Variants in ABHD12B observed in about 807,000 individuals in gnomAD.
ABHD12B encodes the protein protein ABHD12B.
In ABHD12B, 42 loss-of-function variants were observed where a neutral mutation model predicts 50.4. That is an observed-to-expected ratio of 0.83 (90% CI 0.65 to 1.08). The LOEUF (loss-of-function observed/expected upper bound fraction) is 1.08. Among genes scored for constraint, ABHD12B ranks in the 50% least tolerant of loss-of-function variants. The probability of loss-of-function intolerance (pLI) is 0.00; values close to 1 mark genes in which losing one functional copy is unlikely to be tolerated. For missense variants in ABHD12B, 479 were observed against 447.7 expected (o/e 1.07, Z -0.63); for synonymous variants, 167 against 160.3 (o/e 1.04, Z -0.32).
At chr14:50,872,427 C>A in intron 1 of ABHD12B, 149 bp downstream of exon 1, 1 of 498,498 alleles carries the variant, frequency 2.0e-6, no homozygotes, top group Non-Finnish European at 3.1e-6. Flanking sequence ...GGGACCTCGG[C>A]GGCCCCCTGA....
Position 50,878,003 on chromosome 14 carries a change from T to C in ABHD12B, c.156T>C (p.Tyr52=). 1 of 1,535,350 alleles carries C rather than the reference T, an allele frequency of 6.5e-7. No homozygotes were observed. Among genetic ancestry groups the C allele is most frequent in the Non-Finnish European group, 8.7e-7 (1 of 1,146,516 alleles). The change falls in exon 2 of 13, where the codon TAT becomes TAC. Residue 52 remains tyrosine (Y), a synonymous_variant. Coordinates refer to ENST00000337334, the MANE Select transcript of ABHD12B (RefSeq NM_001206673.2). ...TCGGAAGAAAAATTGCTGCTCTGTA[T>C]GACAGCTTTACTAGTAAATCCTTAA... The part of the protein sequence containing the change: ...SMLGRKIAAL[Y]DSFTSKSLKE...
intron 1 of ABHD12B, 105 bp downstream of exon 1, chr14:50,872,383 G>C: frequency 1.2e-6 from 1 of 828,190 alleles, no homozygotes; most frequent in Non-Finnish European, 1.6e-6. Flanking sequence ...CCCTCTGCTG[G>C]CCCGGGCCCA....
At position 50,872,260 on chromosome 14, in the gene ABHD12B, T is replaced by C. The variant is rs2049795684; in HGVS notation, c.86T>C (p.Met29Thr). Residue 29 changes from methionine to threonine, a missense_variant, in exon 1 of 13, where the codon ATG becomes ACG. By Grantham distance (81) the Met-to-Thr change is moderately conservative (BLOSUM62 -1). Coordinates refer to ENST00000337334, the MANE Select transcript of ABHD12B (RefSeq NM_001206673.2). ...ARSCVAAWWD[M>T]VDRNLRYFPH... The stretch of plus-strand genomic sequence containing the variant: ...AGCTGCGTGGCCGCCTGGTGGGACA[T>C]GGTCGACCGCAACCTGCGGTGAGTA... 1 of 1,385,266 alleles carries C rather than the reference T, an allele frequency of 7.2e-7. No individual in the cohort carries two copies. The highest frequency in any genetic ancestry group is 2.9e-5 in the Admixed American group (1 of 34,486). 85.8% of individuals were successfully genotyped at this position (1,385,266 alleles called of 1,614,324 possible).
At chr14:50,904,045 T>C in intron 11 of ABHD12B, 29 bp from the exon 12 acceptor site, 1 of 1,569,978 alleles carries the variant, frequency 6.4e-7, no homozygotes, top group Non-Finnish European at 8.7e-7. Context: ...TGAATGGCCA[T>C]CCTTTGAGTC....
intron 5 of ABHD12B, among the ~76,000 whole-genome samples, chr14:50,882,031 G>T (rs971618556): frequency 3.9e-5 from 6 of 151,928 alleles, no homozygotes; most frequent in Non-Finnish European, 8.8e-5. Context: ...CACCTCCCAG[G>T]CTCAAGCGAT....
At chr14:50,900,703 G>A (rs2050252172) in intron 9 of ABHD12B, among the ~76,000 whole-genome samples, 1 of 152,172 alleles carries the variant, frequency 6.6e-6, no homozygotes, top group Non-Finnish European at 1.5e-5. Context: ...GTAAAGGCAA[G>A]CGCCTTGAGG....
chr14:50,875,216 C>A lies in ABHD12B; in HGVS notation c.105-2736C>A, dbSNP rs188127654. The stretch of plus-strand genomic sequence containing the variant: ...AGAGGAGAGGTCACCATGGAATGAT[C>A]TCTCCAGGAGACTTTGACAAAAAAG... On this transcript the variant is annotated intron_variant, in intron 1 of 12. Coordinates refer to ENST00000337334, the MANE Select transcript of ABHD12B (RefSeq NM_001206673.2). Among the ~76,000 whole-genome samples, 4 of 152,154 alleles carry A rather than the reference C, an allele frequency of 2.6e-5. No homozygotes were observed. In the South Asian group the frequency reaches 8.3e-4, roughly 32 times the overall value.
rs546569566 is a variant in ABHD12B, at chr14:50,899,838, C to T, written c.781-1991C>T. ...TTGGGTGGCTGAGGCAGGAGAATTG[C>T]TTGAACCCAGGAGGCAGACGTTGCA... On this transcript the variant is annotated intron_variant, in intron 9 of 12. Transcript: ENST00000337334. 3.3e-5 allele frequency among the ~76,000 whole-genome samples: 5 copies of T among 151,570 alleles called. No homozygotes were observed. In the South Asian group the frequency reaches 1.0e-3, roughly 31 times the overall value.
At chr14:50,885,584 T>G in intron 5 of ABHD12B, 30 bp from the exon 6 acceptor site, 1 of 1,613,840 alleles carries the variant, frequency 6.2e-7, no homozygotes, top group Non-Finnish European at 8.5e-7. Context: ...ATCTTCTAAT[T>G]AAAGTGATAA....
rs532677235 is a variant in ABHD12B at position 50,892,310 on chromosome 14, T to C, written c.780+3407T>C. ...TGTTTGATTTATTGAGGAAATGTTC[T>C]TCAGGAAAAAATCCAAAAGGGAATG... On this transcript the variant is annotated intron_variant, in intron 9 of 12. Coordinates refer to ENST00000337334, the MANE Select transcript of ABHD12B (RefSeq NM_001206673.2). 6.3e-6 allele frequency: 4 copies of C among 635,948 alleles called. No individual in the cohort carries two copies. The South Asian group carries it at 2.8e-4, about 45-fold the overall frequency. 39.4% of individuals were successfully genotyped at this position (635,948 alleles called of 1,614,324 possible).
rs1048463479 is a variant in ABHD12B, at chr14:50,904,931, C to G, written c.*565C>G. Reference sequence around the variant, plus strand: ...GCCTTGCTCTTGGACTTCCCAGCCCCCAGAACTGTGAGAAATAAATTTCTG... The same window carrying G: ...GCCTTGCTCTTGGACTTCCCAGCCCGCAGAACTGTGAGAAATAAATTTCTG... On this transcript the variant is annotated 3_prime_UTR_variant, in exon 13 of 13. Transcript: ENST00000337334. 4.0e-6 allele frequency: 1 copy of G among 249,650 alleles called. No individual in the cohort carries two copies. The highest frequency in any genetic ancestry group is 7.6e-6 in the Non-Finnish European group (1 of 131,594). 15.5% of individuals were successfully genotyped at this position (249,650 alleles called of 1,614,324 possible).
chr14:50,894,803 G>C (rs961713704), intron 9 of ABHD12B, among the ~76,000 whole-genome samples: 10 of 148,470 alleles, frequency 6.7e-5, no homozygotes, highest in Admixed American at 6.6e-4. Context: ...CCCAAGCGTC[G>C]CTGAGTCTTT....
At chr14:50,875,298 T>C (rs2049845685) in intron 1 of ABHD12B, among the ~76,000 whole-genome samples, 1 of 152,208 alleles carries the variant, frequency 6.6e-6, no homozygotes. Context: ...TGTCTCCCGG[T>C]GCTTGGTGAC....
chr14:50,885,503 T>G (rs2050022827), intron 5 of ABHD12B, 111 bp from the exon 6 acceptor site: 1 of 1,250,156 alleles, frequency 8.0e-7, no homozygotes, highest in Non-Finnish European at 1.2e-6. Flanking sequence ...CAAGTTAAAA[T>G]TACCTTTGAA....
intron 9 of ABHD12B, among the ~76,000 whole-genome samples, chr14:50,897,933 A>T (rs1306196859): frequency 6.6e-6 from 1 of 152,212 alleles, no homozygotes; most frequent in African/African-American, 2.4e-5. Flanking sequence ...AGGCAGGGAG[A>T]ATTCAAGGCA....
chr14:50,877,929 G>T (rs1393763250), intron 1 of ABHD12B, 23 bp from the exon 2 acceptor site: 5 of 1,471,794 alleles, frequency 3.4e-6, no homozygotes, highest in Admixed American at 2.6e-5. Flanking sequence ...CGAAAACCTT[G>T]TGTGTTTCCC....
intron 4 of ABHD12B, among the ~76,000 whole-genome samples, chr14:50,881,291 A>AC (rs1307857615): frequency 6.6e-6 from 1 of 152,022 alleles, no homozygotes; most frequent in African/African-American, 2.4e-5. Flanking sequence ...TGGGAGGAGC[A>AC]CCTGCCTGTG....
rs1375826029 is a variant in ABHD12B at position 50,888,885 on chromosome 14, C to T, written c.762C>T (p.Ile254=). ...APFTNMWVAS[I]NYPLLKIYRN... ...TTACCAACATGTGGGTTGCAAGTAT[C>T]AATTATCCCTTGTTAAAGGTGAGAC... Residue 254 remains isoleucine, a synonymous_variant, in exon 9 of 13, where the codon ATC becomes ATT. Coordinates refer to ENST00000337334, the MANE Select transcript of ABHD12B (RefSeq NM_001206673.2). 6.2e-7 allele frequency: 1 copy of T among 1,614,032 alleles called. No homozygotes were observed. The highest frequency in any genetic ancestry group is 8.5e-7 in the Non-Finnish European group (1 of 1,179,962).
chr14:50,900,102 C>T (rs1566495051), intron 9 of ABHD12B, among the ~76,000 whole-genome samples: 1 of 151,714 alleles, frequency 6.6e-6, no homozygotes, highest in African/African-American at 2.4e-5. Flanking sequence ...TGTGGTGGCA[C>T]ACCCCTGTAG....
Sources: allele counts gnomAD v4.1 joint callset (sites outside exome capture counted in the v4.1 genomes callset), GRCh38; gene constraint gnomAD v4.1.1; transcripts MANE v1.5; gene names NCBI Gene and HGNC (gene_info 2026-07-23, HGNC 2026-07-21).